PUDP: variants seen among roughly 807,000 people sequenced by gnomAD.
PUDP encodes the protein pseudouridine 5'-phosphatase.
A neutral mutation model predicts 9.4 loss-of-function variants in PUDP; 8 were observed. The observed-to-expected ratio is 0.85, with a 90% CI of 0.50 to 1.53. The LOEUF (loss-of-function observed/expected upper bound fraction) is 1.53. Ranked by LOEUF, PUDP falls within the 40% of genes most tolerant of loss-of-function variation. The pLI is 0.00. For synonymous variants in PUDP, 99 were observed against 80.7 expected (o/e 1.23, Z -1.22); for missense variants, 188 against 189.7 (o/e 0.99, Z 0.05).
At chrX:7,139,256 A>G (rs1232025630) in intron 1 of PUDP, among the ~76,000 whole-genome samples, 1 of 112,115 alleles carries the variant, frequency 8.9e-6, no homozygotes, top group Non-Finnish European at 1.9e-5. Flanking sequence ...AGGATGAGTG[A>G]ATGCATTCCT....
chrX:6,745,971 C>T (rs1006759050), intron 3 of PUDP, among the ~76,000 whole-genome samples: 5 of 111,936 alleles, frequency 4.5e-5, no homozygotes, highest in East Asian at 2.8e-4. Context: ...TTGACCCAAT[C>T]TTGACTCCTC....
intron 2 of PUDP, among the ~76,000 whole-genome samples, 196 bp downstream of exon 2, chrX:7,105,424 C>G (rs780577437): frequency 4.1e-4 from 46 of 111,459 alleles, no homozygotes; most frequent in African/African-American, 1.4e-3. Context: ...TTTTAAGAAG[C>G]TTTTAAAGAG....
In PUDP at chrX:7,094,548, G is replaced by C. The variant is rs781040900; in HGVS notation, c.280+11072C>G. ...ATTTTTTGTATTTTTAGTAGAGACG[G>C]GGTTTCACCGTGTTAGCCAGGATGG... On this transcript the variant is annotated intron_variant, in intron 2 of 3. Coordinates refer to ENST00000381077, the MANE Select transcript of PUDP (RefSeq NM_012080.5). 2.4e-4 allele frequency among the ~76,000 whole-genome samples: 26 copies of C among 110,249 alleles called. No individual in the cohort carries two copies. In the South Asian group the frequency reaches 9.0e-3, roughly 38 times the overall value.
intron 3 of PUDP, among the ~76,000 whole-genome samples, chrX:6,768,621 G>A (rs1382737069): frequency 9.0e-6 from 1 of 111,264 alleles, no homozygotes; most frequent in Non-Finnish European, 1.9e-5. Flanking sequence ...TGTGAAGAGG[G>A]AGATTTGAAA....
At chrX:6,968,958 T>C (rs1214088538) in intron 3 of PUDP, among the ~76,000 whole-genome samples, 1 of 112,198 alleles carries the variant, frequency 8.9e-6, no homozygotes, top group Non-Finnish European at 1.9e-5. Flanking sequence ...CTAGGCTTCA[T>C]TGTTGCCAGT....
At chrX:6,949,052 G>A (rs978447185) in intron 3 of PUDP, among the ~76,000 whole-genome samples, 1 of 112,160 alleles carries the variant, frequency 8.9e-6, no homozygotes, top group Non-Finnish European at 1.9e-5. Flanking sequence ...GTCAACCCAT[G>A]GCACCATGAT....
intron 3 of PUDP, among the ~76,000 whole-genome samples, chrX:6,832,661 A>T (rs1926521014): frequency 8.9e-6 from 1 of 111,940 alleles, no homozygotes; most frequent in Non-Finnish European, 1.9e-5. Flanking sequence ...CTGTAGGATT[A>T]TAGCAGAAGG....
At chrX:6,872,234 G>A (rs749224331) in intron 3 of PUDP, among the ~76,000 whole-genome samples, 1 of 111,520 alleles carries the variant, frequency 9.0e-6, no homozygotes, top group Non-Finnish European at 1.9e-5. Flanking sequence ...AGGGCTGTGA[G>A]GCCTCTCTCC....
At chrX:6,767,736 G>A (rs1451788778) in intron 3 of PUDP, among the ~76,000 whole-genome samples, 1 of 112,049 alleles carries the variant, frequency 8.9e-6, no homozygotes, top group Non-Finnish European at 1.9e-5. Flanking sequence ...AATGGGATTC[G>A]AGTTTTATTG....
At chrX:6,941,091 G>C (rs1187889035) in intron 3 of PUDP, among the ~76,000 whole-genome samples, 1 of 111,022 alleles carries the variant, frequency 9.0e-6, no homozygotes, top group Non-Finnish European at 1.9e-5. Flanking sequence ...ATGTTATAAT[G>C]CTACAATAGA....
At chrX:7,116,749 T>C (rs1371077012) in intron 1 of PUDP, among the ~76,000 whole-genome samples, 2 of 112,102 alleles carry the variant, frequency 1.8e-5, no homozygotes, top group Non-Finnish European at 3.8e-5. Context: ...CCAAATCTCA[T>C]GCTGAATTGT....
intron 3 of PUDP, among the ~76,000 whole-genome samples, chrX:6,937,455 TCCTTACA>T (rs1928323512): frequency 9.5e-6 from 1 of 105,107 alleles, no homozygotes; most frequent in African/African-American, 3.4e-5. Flanking sequence ...CTGGATCCCT[TCCTTACA>T]CCTTATACAA....
intron 3 of PUDP, among the ~76,000 whole-genome samples, chrX:6,785,190 G>A (rs1322201857): frequency 8.9e-6 from 1 of 112,402 alleles, no homozygotes; most frequent in Non-Finnish European, 1.9e-5. Flanking sequence ...TTTGATTCTG[G>A]TAATTCCCTA....
chrX:6,754,367 T>C (rs1161875376), intron 3 of PUDP, among the ~76,000 whole-genome samples: 1 of 111,359 alleles, frequency 9.0e-6, no homozygotes, highest in East Asian at 2.8e-4. Flanking sequence ...CCCAGCCATG[T>C]GGAACTGTGA....
At chrX:7,129,093 C>G (rs1457709162) in intron 1 of PUDP, among the ~76,000 whole-genome samples, 1 of 111,628 alleles carries the variant, frequency 9.0e-6, no homozygotes, top group Non-Finnish European at 1.9e-5. Context: ...CCTTAGCCTT[C>G]GGGCAACCAT....
In PUDP at chrX:6,847,956, T is replaced by C. The variant is rs1028809478; in HGVS notation, c.*247+129177A>G. Among the ~76,000 whole-genome samples, 6 of 111,877 alleles carry C rather than the reference T, an allele frequency of 5.4e-5. 1 individual carries two copies. The highest frequency in any genetic ancestry group is 1.9e-4 in the African/African-American group (6 of 30,777). On this transcript the variant is annotated intron_variant and NMD_transcript_variant, in intron 3 of 3. Coordinates refer to the PUDP transcript ENST00000655425. ...ATATGTGATATTGGCCAAAGCAAGT[T>C]ACAAGACTAAGTCCAGGATCAGGAA...
At chrX:6,929,256 T>C (rs1928153343) in intron 3 of PUDP, among the ~76,000 whole-genome samples, 1 of 112,824 alleles carries the variant, frequency 8.9e-6, no homozygotes, top group Non-Finnish European at 1.9e-5. Flanking sequence ...GAGTGACCAA[T>C]GGCTGTGACA....
chrX:6,816,041 T>C (rs756960317), intron 3 of PUDP, among the ~76,000 whole-genome samples: 2 of 106,886 alleles, frequency 1.9e-5, no homozygotes, highest in South Asian at 8.0e-4. Flanking sequence ...TTATATATAG[T>C]ATATACATAC....
chrX:6,920,995 G>A (rs1327154964), intron 3 of PUDP, among the ~76,000 whole-genome samples: 3 of 110,658 alleles, frequency 2.7e-5, no homozygotes, highest in Non-Finnish European at 5.7e-5. Flanking sequence ...TGGACCACTG[G>A]GCCTGAGAGT....
Sources: allele counts gnomAD v4.1 joint callset (sites outside exome capture counted in the v4.1 genomes callset), GRCh38; gene constraint gnomAD v4.1.1; transcripts MANE v1.5; gene names NCBI Gene and HGNC (gene_info 2026-07-23, HGNC 2026-07-21).